Variants in TM7SF3 observed in about 807,000 individuals in gnomAD.
TM7SF3 encodes the protein seven span transmembrane protein.
Under a neutral mutation model 65.5 loss-of-function variants are expected in TM7SF3, and 60 were observed. The ratio of observed to expected loss-of-function variants is 0.92; its 90% CI spans 0.74 to 1.14. TM7SF3 has a LOEUF of 1.14. Ranked by LOEUF, TM7SF3 falls within the 50% of genes most tolerant of loss-of-function variation. The pLI is 0.00. For missense variants in TM7SF3, 623 were observed against 684.8 expected (o/e 0.91, Z 1.01); for synonymous variants, 264 against 259.6 (o/e 1.02, Z -0.16).
chr12:26,989,666 A>AACAC (rs1482376855), intron 6 of TM7SF3, among the ~76,000 whole-genome samples: 10 of 136,842 alleles, frequency 7.3e-5, no homozygotes, highest in Middle Eastern at 3.6e-3. Flanking sequence ...TAAACTGCTA[A>AACAC]ATACACACAC....
In TM7SF3 at chr12:26,975,497, A is replaced by G; in HGVS notation, c.1449T>C (p.Asn483=). The change falls in exon 11 of 12, where the codon AAT becomes AAC. Residue 483 remains asparagine (N), a splice_region_variant and synonymous_variant. Coordinates refer to ENST00000343028, the MANE Select transcript of TM7SF3 (RefSeq NM_016551.3). ...RAFTNVPFQT[N]DFIILAVWGM... Reference sequence around the variant, plus strand: ...GGTTTTTGGATTTAAGAGTCTTACCATTAGTTTGAAAAGGCACATTTGTGA... The same window carrying G: ...GGTTTTTGGATTTAAGAGTCTTACCGTTAGTTTGAAAAGGCACATTTGTGA... 1 of 1,614,070 alleles carries G rather than the reference A, an allele frequency of 6.2e-7. No homozygotes were observed. Among genetic ancestry groups the G allele is most frequent in the Non-Finnish European group, 8.5e-7 (1 of 1,179,938 alleles).
In TM7SF3 at chr12:26,990,102, C is replaced by T. The variant is rs530614878; in HGVS notation, c.868+348G>A. On this transcript the variant is annotated intron_variant, in intron 6 of 11. Coordinates refer to ENST00000343028, the MANE Select transcript of TM7SF3 (RefSeq NM_016551.3). ...GGTACATGCCACACCCAGGTACGTG[C>T]GTGGTGCATCAAGGACTGCCCTGGC... Among the ~76,000 whole-genome samples the T allele has an allele frequency of 2.6e-5, 4 of 152,284 alleles. No individual in the cohort carries two copies. In the East Asian group the frequency reaches 5.8e-4, roughly 22 times the overall value.
chr12:27,012,217 C>T (rs1169640970), intron 1 of TM7SF3, among the ~76,000 whole-genome samples: 4 of 152,164 alleles, frequency 2.6e-5, no homozygotes, highest in African/African-American at 9.7e-5. Context: ...CTATCTGTAA[C>T]CCTAGCAGCT....
intron 4 of TM7SF3, 76 bp downstream of exon 4, chr12:26,996,666 G>A: frequency 3.4e-6 from 5 of 1,465,044 alleles, no homozygotes; most frequent in Non-Finnish European, 3.7e-6. Context: ...AGGGACTTGA[G>A]AGAGCTGGTC....
rs1939774530 is a variant in TM7SF3, at chr12:26,980,621, G to T, written c.981C>A (p.Ile327=). The T allele has an allele frequency of 2.5e-6, 4 of 1,576,670 alleles. No homozygotes were observed. Among genetic ancestry groups the T allele is most frequent in the Middle Eastern group, 1.7e-4 (1 of 5,996 alleles). ...KTELFFIGFI[I]MGFFFYILIT... Reference sequence around the variant, plus strand: ...TCAGTATATAAAAGAAGAATCCCATGATGATAAAGCCTATGAAGAATAATT... The same window carrying T: ...TCAGTATATAAAAGAAGAATCCCATTATGATAAAGCCTATGAAGAATAATT... Residue 327 remains isoleucine, a synonymous_variant, in exon 8 of 12, where the codon ATC becomes ATA. Coordinates refer to ENST00000343028, the MANE Select transcript of TM7SF3 (RefSeq NM_016551.3).
chr12:27,012,750 A>G (rs560499111), intron 1 of TM7SF3: 11 of 456,044 alleles, frequency 2.4e-5, no homozygotes, highest in Admixed American at 2.1e-4. Flanking sequence ...CTGTAATCCC[A>G]GCACTCTGGG....
chr12:26,998,103 G>A (rs1043787273), intron 3 of TM7SF3, among the ~76,000 whole-genome samples: 4 of 152,092 alleles, frequency 2.6e-5, no homozygotes, highest in African/African-American at 4.8e-5. Flanking sequence ...AAAGTGCTGG[G>A]ATTACAGGTG....
In TM7SF3 at chr12:26,975,671, G is replaced by C. The variant is rs374948781; in HGVS notation, c.1288-13C>G. ...TCAGTATGTTCAGCTGTGGAAGAGT[G>C]GAAGAGTTTAGGCATCATCCATGTT... On this transcript the variant is annotated splice_polypyrimidine_tract_variant and intron_variant, in intron 10 of 11. Coordinates refer to ENST00000343028, the MANE Select transcript of TM7SF3 (RefSeq NM_016551.3). 1.2e-6 allele frequency: 2 copies of C among 1,613,174 alleles called. No homozygotes were observed. The highest frequency in any genetic ancestry group is 1.7e-6 in the Non-Finnish European group (2 of 1,179,598).
chr12:27,002,730 C>T (rs1940882740), intron 2 of TM7SF3, among the ~76,000 whole-genome samples: 1 of 152,120 alleles, frequency 6.6e-6, no homozygotes, highest in Non-Finnish European at 1.5e-5. Flanking sequence ...ATAATAGAGT[C>T]CTTAATACTG....
At chr12:26,986,232 A>T (rs1429555490) in intron 6 of TM7SF3, among the ~76,000 whole-genome samples, 1 of 152,086 alleles carries the variant, frequency 6.6e-6, no homozygotes, top group East Asian at 1.9e-4. Flanking sequence ...GCTTAGCAAG[A>T]ATCCCCTATG....
In TM7SF3 at chr12:27,014,258, C is replaced by G. The variant is rs559529838; in HGVS notation, c.-90G>C. On this transcript the variant is annotated 5_prime_UTR_variant, in exon 1 of 12. Transcript: ENST00000343028. ...CCCCGCAGCCTCGCCCACGCTATCC[C>G]GGGGCGCCCGCATCGGGCGCCATCG... is the stretch of plus-strand genomic sequence containing the variant. 3.3e-6 allele frequency: 4 copies of G among 1,227,484 alleles called. No individual in the cohort carries two copies. The highest frequency in any genetic ancestry group is 3.3e-5 in the South Asian group (2 of 60,610). The allele number at this position is 1,227,484 out of a possible 1,614,324, so 76.0% of individuals were successfully genotyped here.
chr12:27,006,965 G>A (rs547812078), intron 1 of TM7SF3, among the ~76,000 whole-genome samples: 36 of 152,252 alleles, frequency 2.4e-4, no homozygotes, highest in African/African-American at 7.0e-4. Flanking sequence ...TATGTGTCAG[G>A]CAATAAATCT....
At chr12:27,008,958 G>A (rs889905931) in intron 1 of TM7SF3, among the ~76,000 whole-genome samples, 3 of 152,104 alleles carry the variant, frequency 2.0e-5, no homozygotes, top group African/African-American at 7.2e-5. Context: ...TGACTTCACT[G>A]CACAATATAT....
intron 9 of TM7SF3, chr12:26,979,440 G>T (rs138730040): frequency 5.2e-4 from 124 of 236,998 alleles, no homozygotes; most frequent in African/African-American, 2.8e-3. Flanking sequence ...TACAACAGAA[G>T]ACCAGAAACA....
chr12:27,000,097 C>G (rs183763589), intron 2 of TM7SF3, among the ~76,000 whole-genome samples: 17 of 152,302 alleles, frequency 1.1e-4, no homozygotes, highest in African/African-American at 4.1e-4. Flanking sequence ...TCTGGGGTCC[C>G]TTTTATAAGG....
rs534318081 is a variant in TM7SF3, at chr12:26,980,516, C to T, written c.1036+50G>A. ...GTAGAAGGAAAGGTGAAGTAAAACA[C>T]AGCACCTGCCTTCTTGAATACCCAG... On this transcript the variant is annotated intron_variant, in intron 8 of 11. Coordinates refer to ENST00000343028, the MANE Select transcript of TM7SF3 (RefSeq NM_016551.3). The T allele has an allele frequency of 1.1e-4, 99 of 941,726 alleles. 1 individual carries two copies. The South Asian group carries it at 1.3e-3, about 13-fold the overall frequency. 58.3% of individuals were successfully genotyped at this position (941,726 alleles called of 1,614,324 possible).
intron 7 of TM7SF3, among the ~76,000 whole-genome samples, chr12:26,981,388 G>A (rs1482074030): frequency 1.3e-5 from 2 of 152,148 alleles, no homozygotes; most frequent in Non-Finnish European, 2.9e-5. Flanking sequence ...AGCTACTTGG[G>A]AGGCTGAGGT....
At chr12:26,994,225 C>T (rs1940494555) in intron 5 of TM7SF3, among the ~76,000 whole-genome samples, 1 of 152,166 alleles carries the variant, frequency 6.6e-6, no homozygotes, top group African/African-American at 2.4e-5. Context: ...AGCACAATGA[C>T]GCTGTCTAGA....
At position 26,996,863 on chromosome 12, in the gene TM7SF3, C is replaced by A. The variant is rs1479511559; in HGVS notation, c.398-1G>T. On this transcript the variant is annotated splice_acceptor_variant, in intron 3 of 11. Transcript: ENST00000343028. LOFTEE classifies it high-confidence loss of function. ...AAATTACAGCCTCCAGGGACAGGAT[C>A]TGGATAAGAAATAGGGAAGTTACTA... 2 of 1,605,966 alleles carry A rather than the reference C, an allele frequency of 1.2e-6. No individual in the cohort carries two copies. Among genetic ancestry groups the A allele is most frequent in the Admixed American group, 1.7e-5 (1 of 57,628 alleles).
Sources: allele counts gnomAD v4.1 joint callset (sites outside exome capture counted in the v4.1 genomes callset), GRCh38; gene constraint gnomAD v4.1.1; transcripts MANE v1.5; gene names NCBI Gene and HGNC (gene_info 2026-07-23, HGNC 2026-07-21).